NCKAP5: variants seen among roughly 807,000 people sequenced by gnomAD.
NCKAP5 encodes nck-associated protein 5.
NCKAP5 carries 92 observed loss-of-function variants against 167.0 expected under a neutral mutation model. The observed-to-expected ratio is 0.55, with a 90% CI of 0.47 to 0.66. The LOEUF (loss-of-function observed/expected upper bound fraction) is 0.66. Among genes scored for constraint, NCKAP5 ranks in the 30% least tolerant of loss-of-function variants. The pLI is 0.00. For synonymous variants in NCKAP5, 891 were observed against 877.4 expected, an observed-to-expected ratio of 1.02 and a Z score of -0.27; for missense variants, 2,378 against 2,315.0, an observed-to-expected ratio of 1.03 and a Z score of -0.56.
chr2:132,696,979 C>A (rs571513196), intron 19 of NCKAP5, among the ~76,000 whole-genome samples: 1 of 152,170 alleles, frequency 6.6e-6, no homozygotes, highest in Non-Finnish European at 1.5e-5. Flanking sequence ...CCTGGACTTC[C>A]CGGGCTCAAG....
intron 8 of NCKAP5, among the ~76,000 whole-genome samples, chr2:132,892,612 G>A (rs986651605): frequency 6.6e-6 from 1 of 152,132 alleles, no homozygotes; most frequent in Non-Finnish European, 1.5e-5. Context: ...TATTTTAGAA[G>A]TTAAACTATG....
chr2:133,615,057 T>A, the NCKAP5 span, among the ~76,000 whole-genome samples: 2 of 150,600 alleles, frequency 1.3e-5, no homozygotes, highest in South Asian at 2.1e-4. Context: ...CTAAGCTTCA[T>A]AAGTGAAGGA....
intron 4 of NCKAP5, among the ~76,000 whole-genome samples, chr2:133,283,095 G>A (rs2089985721): frequency 1.3e-5 from 2 of 152,306 alleles, no homozygotes; most frequent in African/African-American, 2.4e-5. Flanking sequence ...AGAACATTAT[G>A]GGAGTAGAGA....
At chr2:132,854,062 C>G (rs1689278698) in intron 11 of NCKAP5, among the ~76,000 whole-genome samples, 1 of 152,150 alleles carries the variant, frequency 6.6e-6, no homozygotes, top group Non-Finnish European at 1.5e-5. Flanking sequence ...TTTATTGAGG[C>G]TCACGTGTAT....
chr2:132,814,090 G>A (rs759623693), intron 11 of NCKAP5, among the ~76,000 whole-genome samples: 1 of 152,182 alleles, frequency 6.6e-6, no homozygotes, highest in Non-Finnish European at 1.5e-5. Flanking sequence ...TTACATAAAT[G>A]CAATCTCTGG....
At chr2:133,228,831 A>C (rs2087012511) in intron 4 of NCKAP5, among the ~76,000 whole-genome samples, 1 of 152,236 alleles carries the variant, frequency 6.6e-6, no homozygotes, top group Non-Finnish European at 1.5e-5. Flanking sequence ...TAAAAGAGAA[A>C]GCCAGACTTC....
At chr2:132,768,676 G>T (rs59690532) in intron 16 of NCKAP5, among the ~76,000 whole-genome samples, 20,475 of 127,792 alleles carry the variant, frequency 0.16, 1,551 homozygotes, top group Middle Eastern at 0.25. Flanking sequence ...GTCTCGCTCT[G>T]TCACCCAGGC....
At chr2:133,405,700 C>T (rs765542222) in intron 3 of NCKAP5, among the ~76,000 whole-genome samples, 27 of 152,202 alleles carry the variant, frequency 1.8e-4, no homozygotes, top group Non-Finnish European at 3.4e-4. Context: ...TTATCTTCTA[C>T]AAATATCCTT....
chr2:133,347,463 A>G lies in NCKAP5; in HGVS notation c.70-44353T>C, dbSNP rs112869372. On this transcript the variant is annotated intron_variant, in intron 3 of 19. Coordinates refer to ENST00000409261, the MANE Select transcript of NCKAP5 (RefSeq NM_207363.3). ...AGCTACTCAGGAGGCTGAGGCAGGAAAATTGCTTGAACCCAGGAGGCGGAG... is the reference window on the plus strand; with the variant it reads ...AGCTACTCAGGAGGCTGAGGCAGGAGAATTGCTTGAACCCAGGAGGCGGAG... Among the ~76,000 whole-genome samples the G allele has an allele frequency of 3.4e-3, 518 of 152,150 alleles. 8 individuals carry two copies. The highest frequency in any genetic ancestry group is 0.012 in the African/African-American group (501 of 41,508).
At chr2:132,721,842 G>A (rs1280451419) in intron 19 of NCKAP5, among the ~76,000 whole-genome samples, 1 of 152,190 alleles carries the variant, frequency 6.6e-6, no homozygotes, top group Non-Finnish European at 1.5e-5. Context: ...TTAAAGGCAG[G>A]TCGCAGACAC....
intron 3 of NCKAP5, among the ~76,000 whole-genome samples, chr2:133,516,750 C>T (rs1190327585): frequency 6.6e-6 from 1 of 152,224 alleles, no homozygotes; most frequent in African/African-American, 2.4e-5. Flanking sequence ...AGCTAAATCT[C>T]TATTTCAGAA....
intron 5 of NCKAP5, among the ~76,000 whole-genome samples, chr2:133,179,444 AT>A (rs1322309736): frequency 1.3e-5 from 2 of 152,146 alleles, no homozygotes; most frequent in Non-Finnish European, 2.9e-5. Flanking sequence ...TTAAAAAAAA[AT>A]CACTCATAAA....
At chr2:133,289,963 C>T (rs966993356) in intron 4 of NCKAP5, among the ~76,000 whole-genome samples, 7 of 152,098 alleles carry the variant, frequency 4.6e-5, no homozygotes, top group East Asian at 1.9e-4. Flanking sequence ...CGCACTATCA[C>T]GAGAACAGCA....
chr2:132,855,343 A>G (rs190871611), intron 11 of NCKAP5, among the ~76,000 whole-genome samples: 5 of 152,252 alleles, frequency 3.3e-5, no homozygotes, highest in Middle Eastern at 3.4e-3. Flanking sequence ...CAGGCTCACC[A>G]CCAGTGGATA....
intron 7 of NCKAP5, among the ~76,000 whole-genome samples, chr2:132,976,420 C>T (rs572632151): frequency 1.6e-4 from 25 of 151,882 alleles, no homozygotes; most frequent in Non-Finnish European, 3.1e-4. Context: ...GAAAATTAGC[C>T]GGGCATGGTG....
the NCKAP5 span, among the ~76,000 whole-genome samples, chr2:133,576,800 A>G: frequency 1.8e-4 from 27 of 152,228 alleles, no homozygotes; most frequent in African/African-American, 6.5e-4. Context: ...TTCAGTTATT[A>G]GTGGAAACCC....
At chr2:133,534,529 T>C (rs1685607224) in intron 2 of NCKAP5, among the ~76,000 whole-genome samples, 1 of 152,160 alleles carries the variant, frequency 6.6e-6, no homozygotes, top group Non-Finnish European at 1.5e-5. Context: ...ACCATTCATC[T>C]ACATTCTGTC....
chr2:133,192,172 T>C (rs2085254534), intron 5 of NCKAP5, among the ~76,000 whole-genome samples: 1 of 151,984 alleles, frequency 6.6e-6, no homozygotes, highest in African/African-American at 2.4e-5. Flanking sequence ...TTTTGACAAA[T>C]ATGCAAAAGT....
At chr2:133,192,350 G>A (rs969436365) in intron 5 of NCKAP5, among the ~76,000 whole-genome samples, 1 of 151,986 alleles carries the variant, frequency 6.6e-6, no homozygotes, top group Non-Finnish European at 1.5e-5. Flanking sequence ...CTAAACCTAC[G>A]CAAATAGTTC....
Sources: gnomAD v4.1 joint callset for allele counts (sites outside exome capture counted in the v4.1 genomes callset) on GRCh38, gnomAD v4.1.1 for gene constraint, MANE v1.5 for transcripts, NCBI Gene and HGNC (gene_info 2026-07-23, HGNC 2026-07-21) for gene names.